The following AFM variants were observed in gnomAD, a reference collection of about 807,000 sequenced individuals.
AFM encodes alpha-Alb.
AFM carries 82 observed loss-of-function variants against 68.7 expected under a neutral mutation model. The ratio of observed to expected loss-of-function variants is 1.19; its 90% CI spans 1.00 to 1.43. AFM has a LOEUF of 1.43. AFM is among the 40% of genes most tolerant of loss of function. The pLI is 0.00. For missense variants in AFM, 772 were observed against 701.8 expected, an observed-to-expected ratio of 1.10 and a Z score of -1.13; for synonymous variants, 250 against 234.2, an observed-to-expected ratio of 1.07 and a Z score of -0.61.
intron 4 of AFM, 77 bp from the exon 5 acceptor site, chr4:73,486,890 C>CCCTTT: frequency 7.0e-7 from 1 of 1,436,708 alleles, no homozygotes; most frequent in South Asian, 1.3e-5. Flanking sequence ...CCCTTCCCTT[C>CCCTTT]CCTTCCCTTG....
chr4:73,500,117 T>C lies in AFM; in HGVS notation c.1536T>C (p.Ser512=). The C allele has an allele frequency of 6.2e-7, 1 of 1,614,028 alleles. No individual in the cohort carries two copies. Among genetic ancestry groups the C allele is most frequent in the Non-Finnish European group, 8.5e-7 (1 of 1,179,952 alleles). The change falls in exon 12 of 15, where the codon AGT becomes AGC. Residue 512 remains serine, a synonymous_variant. Transcript: ENST00000226355. ...NFAFRRPCFE[S]LKADKTYVPP... is the part of the protein sequence containing the mutation. ...CCTTCAGAAGGCCCTGCTTTGAGAGTTTGAAAGCTGATAAAACATATGTGC... is the reference window on the plus strand; with the variant it reads ...CCTTCAGAAGGCCCTGCTTTGAGAGCTTGAAAGCTGATAAAACATATGTGC...
chr4:73,499,269 A>C, intron 11 of AFM, 23 bp downstream of exon 11: 2 of 1,492,502 alleles, frequency 1.3e-6, no homozygotes. Flanking sequence ...TGTGTACCAG[A>C]CTACTCTTTT....
At chr4:73,484,622 C>T (rs545427724) in intron 3 of AFM, among the ~76,000 whole-genome samples, 1 of 152,012 alleles carries the variant, frequency 6.6e-6, no homozygotes, top group South Asian at 2.1e-4. Context: ...GCAACCTCCA[C>T]TTCCTGGGTT....
chr4:73,492,792 CAAA>C (rs771473722), intron 8 of AFM, among the ~76,000 whole-genome samples: 6 of 70,368 alleles, frequency 8.5e-5, no homozygotes, highest in East Asian at 4.8e-4. Context: ...GAGACTGTCT[CAAA>C]AAAAAAAAAA....
In AFM at chr4:73,482,621, A is replaced by G. The variant is rs377373432; in HGVS notation, c.88+758A>G. Among the ~76,000 whole-genome samples, 55 of 152,268 alleles carry G rather than the reference A, an allele frequency of 3.6e-4. 1 individual carries two copies. In the South Asian group the frequency reaches 0.011, roughly 32 times the overall value. On this transcript the variant is annotated intron_variant, in intron 1 of 14. Transcript: ENST00000226355. ...TTTCCCTCGTAACAACCTGTTTCAA[A>G]ATCTTGATTTTTTGCCTCTTTAATA...
chr4:73,484,414 T>G (rs776902977), intron 3 of AFM, 24 bp downstream of exon 3: 12 of 1,487,640 alleles, frequency 8.1e-6, no homozygotes, highest in Non-Finnish European at 9.9e-6. Flanking sequence ...TTGTGTTTCT[T>G]TTCCTTTTAT....
At chr4:73,503,186 CTTCT>C in intron 14 of AFM, 76 bp downstream of exon 14, 1 of 1,119,912 alleles carries the variant, frequency 8.9e-7, no homozygotes, top group Non-Finnish European at 1.3e-6. Flanking sequence ...CTCCCTCATG[CTTCT>C]TTGTCTATTT....
Position 73,487,731 on chromosome 4 carries a change from C to T in AFM, c.623C>T (p.Pro208Leu), listed in dbSNP as rs1166942472. The T allele has an allele frequency of 1.2e-6, 2 of 1,608,022 alleles. No homozygotes were observed. The highest frequency in any genetic ancestry group is 1.3e-5 in the African/African-American group (1 of 74,736). The change falls in exon 6 of 15, where the codon CCT becomes CTT. Residue 208 changes from proline (P) to leucine (L), a missense_variant. Physicochemically the swap from Pro to Leu is moderately conservative, Grantham distance 98. Transcript: ENST00000226355. ...TTTCTCTTTCTTCTTCAGGCAATAC[C>T]TGTCACACAATATTTAAAAGCATTT... is the stretch of plus-strand genomic sequence containing the variant. Reference protein sequence around the residue: ...KVNCLQTRAIPVTQYLKAFSS... With the variant: ...KVNCLQTRAILVTQYLKAFSS...
chr4:73,485,573 G>A (rs1047837882), intron 3 of AFM, among the ~76,000 whole-genome samples: 2 of 144,378 alleles, frequency 1.4e-5, no homozygotes, highest in Non-Finnish European at 3.0e-5. Context: ...AGGAGAAGGA[G>A]AAAGAGAAGG....
In AFM at chr4:73,503,103, C is replaced by A; in HGVS notation, c.*33C>A. 9 of 1,610,234 alleles carry A rather than the reference C, an allele frequency of 5.6e-6. No homozygotes were observed. Among genetic ancestry groups the A allele is most frequent in the Middle Eastern group, 3.3e-4 (2 of 6,034 alleles). On this transcript the variant is annotated 3_prime_UTR_variant, in exon 14 of 15. Coordinates refer to ENST00000226355, the MANE Select transcript of AFM (RefSeq NM_001133.2). ...TGCTGGAGATATGTAAAGAAAAAAG[C>A]ACCAAAGGTAATACCCTCTGCCTCA...
At chr4:73,484,039 C>A (rs1720786488) in intron 2 of AFM, 50 bp downstream of exon 2, 1 of 1,458,520 alleles carries the variant, frequency 6.9e-7, no homozygotes, top group Admixed American at 2.3e-5. Flanking sequence ...ATGATATATT[C>A]TAGAAATGTT....
chr4:73,483,623 G>T (rs756259617), intron 1 of AFM, among the ~76,000 whole-genome samples: 1 of 152,176 alleles, frequency 6.6e-6, no homozygotes, highest in Non-Finnish European at 1.5e-5. Flanking sequence ...AGTCATAAAT[G>T]ATAGACATTT....
At chr4:73,485,752 AGG>A in intron 3 of AFM, 108 bp from the exon 4 acceptor site, 3 of 764,034 alleles carry the variant, frequency 3.9e-6, no homozygotes, top group South Asian at 1.8e-5. Context: ...GAGAAAGAGA[AGG>A]AGCTCTGTTG....
rs1720943126 is a variant in AFM, at chr4:73,487,770, A to C, written c.662A>C (p.Lys221Thr). 6.2e-7 allele frequency: 1 copy of C among 1,613,332 alleles called. No homozygotes were observed. The highest frequency in any genetic ancestry group is 8.5e-7 in the Non-Finnish European group (1 of 1,179,504). Residue 221 changes from lysine to threonine, a missense_variant, in exon 6 of 15, where the codon AAA becomes ACA. Physicochemically the swap from Lys to Thr is moderately conservative, Grantham distance 78. Transcript: ENST00000226355. ...TTAAAAGCATTTTCTTCTTATCAAA[A>C]ACATGTCTGTGGGGCACTTTTGAAA... Reference protein sequence around the residue: ...QYLKAFSSYQKHVCGALLKFG... With the variant: ...QYLKAFSSYQTHVCGALLKFG...
chr4:73,486,097 T>A (rs1720895325), intron 4 of AFM, 24 bp downstream of exon 4: 3 of 1,579,762 alleles, frequency 1.9e-6, no homozygotes. Flanking sequence ...TAGTAAAAAA[T>A]GATCCAGTTG....
At chr4:73,489,811 G>A (rs1005715703) in intron 7 of AFM, among the ~76,000 whole-genome samples, 1 of 152,194 alleles carries the variant, frequency 6.6e-6, no homozygotes, top group African/African-American at 2.4e-5. Context: ...ACACAGGCCA[G>A]GGCCTGTTGG....
At position 73,485,949 on chromosome 4, in the gene AFM, C is replaced by G. The variant is rs1353593902; in HGVS notation, c.358C>G (p.Gln120Glu). 1 of 1,613,974 alleles carries G rather than the reference C, an allele frequency of 6.2e-7. No individual in the cohort carries two copies. Among genetic ancestry groups the G allele is most frequent in the Non-Finnish European group, 8.5e-7 (1 of 1,179,882 alleles). Residue 120 changes from glutamine to glutamate, a missense_variant, in exon 4 of 15, where the codon CAA becomes GAA. Coordinates refer to ENST00000226355, the MANE Select transcript of AFM (RefSeq NM_001133.2). ...ACACTGCTGCAGTAAGGTTGATGCT[C>G]AAAGAAGACTCTGTTTCTTCTATAA... Reference protein sequence around the residue: ...FSHCCSKVDAQRRLCFFYNKK... With the variant: ...FSHCCSKVDAERRLCFFYNKK...
In AFM at chr4:73,488,691, G is replaced by A; in HGVS notation, c.775G>A (p.Val259Ile). The change falls in exon 7 of 15, where the codon GTA becomes ATA. Residue 259 changes from valine to isoleucine, a missense_variant. By Grantham distance (29) the Val-to-Ile change is conservative. Transcript: ENST00000226355. ...TGAATTTAAGGAGCTTATTTCTCTT[G>A]TAGAAGATGTTTCTTCCAACTATGA... ...KIEFKELISL[V>I]EDVSSNYDGC... The A allele has an allele frequency of 1.2e-6, 2 of 1,612,930 alleles. No individual in the cohort carries two copies. Among genetic ancestry groups the A allele is most frequent in the South Asian group, 2.2e-5 (2 of 90,956 alleles).
intron 5 of AFM, among the ~76,000 whole-genome samples, 176 bp downstream of exon 5, chr4:73,487,275 G>C (rs1015399163): frequency 6.6e-6 from 1 of 152,130 alleles, no homozygotes; most frequent in African/African-American, 2.4e-5. Context: ...CTCTTTACTT[G>C]AGACTCTTGA....
Sources: gnomAD v4.1 joint callset for allele counts (sites outside exome capture counted in the v4.1 genomes callset) on GRCh38, gnomAD v4.1.1 for gene constraint, MANE v1.5 for transcripts, NCBI Gene and HGNC (gene_info 2026-07-23, HGNC 2026-07-21) for gene names.